Variants in ASPRV1 observed in about 807,000 individuals in gnomAD.
ASPRV1 encodes the protein retroviral-like aspartic protease 1.
In ASPRV1, 7 loss-of-function variants were observed where a neutral mutation model predicts 11.0. The ratio of observed to expected loss-of-function variants is 0.64; its 90% confidence interval spans 0.36 to 1.20. ASPRV1 has a LOEUF of 1.20. ASPRV1 is among the 50% of genes most tolerant of loss of function. ASPRV1 has a pLI of 0.02. For missense variants in ASPRV1, 299 were observed against 320.0 expected (o/e 0.93, Z 0.50); for synonymous variants, 136 against 138.4 (o/e 0.98, Z 0.12).
chr2:70,023,710 ATAAAG>A, the ASPRV1 span, among the ~76,000 whole-genome samples: 1 of 152,054 alleles, frequency 6.6e-6, no homozygotes, highest in Non-Finnish European at 1.5e-5. Flanking sequence ...GTACTTGCTA[ATAAAG>A]TATTTTCTTG....
At chr2:69,996,566 A>C in the ASPRV1 span, 2 of 389,490 alleles carry the variant, frequency 5.1e-6, no homozygotes, top group South Asian at 3.8e-5. Context: ...TTCCAGAACA[A>C]CAAAATGAAT....
At chr2:69,984,032 G>A in the ASPRV1 span, among the ~76,000 whole-genome samples, 2 of 152,106 alleles carry the variant, frequency 1.3e-5, no homozygotes, top group Non-Finnish European at 1.5e-5. Flanking sequence ...CTATGAACGA[G>A]GAGGTTTTAT....
chr2:70,042,908 A>G, the ASPRV1 span, among the ~76,000 whole-genome samples: 1 of 152,226 alleles, frequency 6.6e-6, no homozygotes, highest in African/African-American at 2.4e-5. Context: ...TGGATCAAAA[A>G]TAAAGTGCTC....
At chr2:69,947,870 G>T in the ASPRV1 span, among the ~76,000 whole-genome samples, 11 of 152,180 alleles carry the variant, frequency 7.2e-5, no homozygotes, top group Non-Finnish European at 1.5e-4. Flanking sequence ...GCTCCTTTGG[G>T]GATATCCGCA....
At chr2:70,082,379 A>G in the ASPRV1 span, among the ~76,000 whole-genome samples, 3 of 152,070 alleles carry the variant, frequency 2.0e-5, no homozygotes, top group Admixed American at 6.6e-5. Context: ...AACCAACCTG[A>G]GCAACACAGC....
chr2:69,976,559 G>A, the ASPRV1 span: 1 of 152,242 alleles, frequency 6.6e-6, no homozygotes, highest in South Asian at 2.1e-4. Context: ...TTCCCCAGAG[G>A]TGATTTTTTA....
the ASPRV1 span, among the ~76,000 whole-genome samples, chr2:69,950,186 A>C: frequency 2.0e-5 from 3 of 152,198 alleles, no homozygotes; most frequent in Non-Finnish European, 4.4e-5. Context: ...GTAAGCACCC[A>C]AAAAAACACA....
chr2:69,948,766 C>T, the ASPRV1 span, among the ~76,000 whole-genome samples: 10 of 151,646 alleles, frequency 6.6e-5, no homozygotes, highest in Non-Finnish European at 1.0e-4. Context: ...TCCCTGTCTC[C>T]CGCTCTGCCC....
the ASPRV1 span, among the ~76,000 whole-genome samples, chr2:70,007,393 T>G: frequency 1.3e-5 from 2 of 152,090 alleles, no homozygotes; most frequent in Non-Finnish European, 1.5e-5. Context: ...TGTTGGCGCA[T>G]GCCTGTAATT....
At chr2:70,028,236 G>A in the ASPRV1 span, among the ~76,000 whole-genome samples, 2 of 152,188 alleles carry the variant, frequency 1.3e-5, no homozygotes, top group Non-Finnish European at 2.9e-5. Context: ...AAGATACTGA[G>A]AACGGAGTGT....
At chr2:70,048,054 A>G in the ASPRV1 span, among the ~76,000 whole-genome samples, 5 of 140,548 alleles carry the variant, frequency 3.6e-5, no homozygotes, top group Admixed American at 7.8e-5. Flanking sequence ...GGTTGCAGTG[A>G]GCCGAGATCG....
the ASPRV1 span, chr2:69,937,340 C>T: frequency 3.1e-6 from 5 of 1,614,044 alleles, no homozygotes; most frequent in East Asian, 4.5e-5. Flanking sequence ...TGAGAGGATC[C>T]GGATGGACAG....
chr2:70,011,846 G>C, the ASPRV1 span: 1 of 152,690 alleles, frequency 6.5e-6, no homozygotes, highest in South Asian at 2.1e-4. Context: ...TGTAAAGAGT[G>C]AGGGGAAGAG....
At chr2:70,056,838 G>A in the ASPRV1 span, among the ~76,000 whole-genome samples, 1 of 151,574 alleles carries the variant, frequency 6.6e-6, no homozygotes, top group South Asian at 2.1e-4. Flanking sequence ...GGGTTCAAGT[G>A]TTTCTCCCGT....
chr2:70,082,947 C>T, the ASPRV1 span, among the ~76,000 whole-genome samples: 35 of 152,064 alleles, frequency 2.3e-4, no homozygotes, highest in East Asian at 6.7e-3. Context: ...AGTATGCTTG[C>T]TGAACCAGGT....
At chr2:70,023,259 C>A in the ASPRV1 span, among the ~76,000 whole-genome samples, 1 of 152,150 alleles carries the variant, frequency 6.6e-6, no homozygotes, top group Non-Finnish European at 1.5e-5. Flanking sequence ...GTCTTCTTCA[C>A]CTTCTGAATC....
At chr2:69,935,594 T>C in the ASPRV1 span, 3 of 665,112 alleles carry the variant, frequency 4.5e-6, no homozygotes, top group Non-Finnish European at 8.3e-6. Flanking sequence ...CACAGGTACC[T>C]CAAATGCAAC....
chr2:70,081,262 A>G, the ASPRV1 span: 1 of 152,262 alleles, frequency 6.6e-6, no homozygotes, highest in South Asian at 2.1e-4. Flanking sequence ...ATTTATGAGA[A>G]ATAAAGCTCT....
At chr2:69,989,077 T>C in the ASPRV1 span, among the ~76,000 whole-genome samples, 2 of 152,210 alleles carry the variant, frequency 1.3e-5, no homozygotes, top group Non-Finnish European at 1.5e-5. Flanking sequence ...AGGGGCCACT[T>C]TGCAAGAATC....
Sources: allele counts gnomAD v4.1 joint callset (sites outside exome capture counted in the v4.1 genomes callset), GRCh38; gene constraint gnomAD v4.1.1; transcripts MANE v1.5; gene names NCBI Gene and HGNC (gene_info 2026-07-23, HGNC 2026-07-21).